RNASE8: variants seen among roughly 807,000 people sequenced by gnomAD.
RNASE8 encodes ribonuclease A family member 8, also known as ribonuclease 8.
For synonymous variants in RNASE8, 68 were observed against 74.1 expected (o/e 0.92, Z 0.42); for missense variants, 179 against 187.9 (o/e 0.95, Z 0.28).
the RNASE8 span, chr14:21,057,991 AT>A: frequency 1.2e-6 from 2 of 1,614,038 alleles, no homozygotes; most frequent in South Asian, 2.2e-5. Flanking sequence ...AGGACATGAC[AT>A]CATCTCAGTG....
In RNASE8 at chr14:21,058,280, A is replaced by G. The variant is rs45545641; in HGVS notation, c.388A>G (p.Ile130Val). 6.2e-7 allele frequency: 1 copy of G among 1,614,142 alleles called. No homozygotes were observed. Among genetic ancestry groups the G allele is most frequent in the South Asian group, 1.1e-5 (1 of 91,074 alleles). Residue 130 changes from isoleucine to valine, a missense_variant, in exon 1 of 1, where the codon ATA becomes GTA. Coordinates refer to ENST00000308227, the MANE Select transcript of RNASE8 (RefSeq NM_138331.2). ...YKEKHLNTPYIVACDPPQQGD... is the reference protein window; with the variant it reads ...YKEKHLNTPYVVACDPPQQGD... ...AGAGAAGCACCTGAACACACCTTAC[A>G]TAGTGGCCTGTGACCCTCCACAACA...
Position 21,058,441 on chromosome 14 carries a change from T to C in RNASE8, c.*84T>C, listed in dbSNP as rs898216177. ...CCTCCAGTTCGTTATTAATCCTTGC[T>C]CCCCACTGCAAATGCCATTTCCCTC... On this transcript the variant is annotated 3_prime_UTR_variant, in exon 1 of 1. Transcript: ENST00000308227. 3.8e-5 allele frequency: 38 copies of C among 994,076 alleles called. No individual in the cohort carries two copies. Among genetic ancestry groups the C allele is most frequent in the Non-Finnish European group, 5.5e-5 (37 of 671,508 alleles). 61.6% of individuals were successfully genotyped at this position (994,076 alleles called of 1,614,324 possible).
Position 21,058,093 on chromosome 14 carries a change from C to A in RNASE8, c.201C>A (p.Leu67=). Residue 67 remains leucine, a synonymous_variant, in exon 1 of 1, where the codon CTC becomes CTA. Coordinates refer to ENST00000308227, the MANE Select transcript of RNASE8 (RefSeq NM_138331.2). ...INKYTERCKD[L]NTFLHEPFSS... ...AGTACACAGAACGGTGCAAAGACCTCAACACCTTCCTGCACGAGCCCTTCT... is the reference window on the plus strand; with the variant it reads ...AGTACACAGAACGGTGCAAAGACCTAAACACCTTCCTGCACGAGCCCTTCT... 2 of 1,614,156 alleles carry A rather than the reference C, an allele frequency of 1.2e-6. No homozygotes were observed. The highest frequency in any genetic ancestry group is 1.7e-6 in the Non-Finnish European group (2 of 1,180,030).
chr14:21,058,448 T>TA lies in RNASE8; in HGVS notation c.*91_*92insA. ...TTCGTTATTAATCCTTGCTCCCCAC[T>TA]GCAAATGCCATTTCCCTCCCACACA... On this transcript the variant is annotated 3_prime_UTR_variant, in exon 1 of 1. Coordinates refer to ENST00000308227, the MANE Select transcript of RNASE8 (RefSeq NM_138331.2). The TA allele has an allele frequency of 1.1e-6, 1 of 908,880 alleles. No individual in the cohort carries two copies. The highest frequency in any genetic ancestry group is 1.7e-5 in the South Asian group (1 of 60,374). 56.3% of individuals were successfully genotyped at this position (908,880 alleles called of 1,614,324 possible).
the RNASE8 span, chr14:21,057,951 TG>T: frequency 6.2e-7 from 1 of 1,613,886 alleles, no homozygotes; most frequent in Non-Finnish European, 8.5e-7. Flanking sequence ...GGGCTGTGGG[TG>T]GCAGAGGTCC....
chr14:21,057,834 A>G lies in RNASE8; in HGVS notation c.-59A>G, dbSNP rs1885746361. 6.9e-7 allele frequency: 1 copy of G among 1,453,838 alleles called. No homozygotes were observed. The highest frequency in any genetic ancestry group is 9.5e-7 in the Non-Finnish European group (1 of 1,052,676). The allele number at this position is 1,453,838 out of a possible 1,614,324, so 90.1% of individuals were successfully genotyped here. A position where few individuals can be genotyped will look rare whatever the true frequency, so the allele number is the denominator to read the frequency against. The stretch of plus-strand genomic sequence containing the variant: ...TTAGAAGGACTAACAAGACTCCCCC[A>G]TGATGACCTATTCATCCACCTACCT... On this transcript the variant is annotated 5_prime_UTR_variant, in exon 1 of 1. An upstream start codon of the reference 5' UTR is lost. Coordinates refer to ENST00000308227, the MANE Select transcript of RNASE8 (RefSeq NM_138331.2).
chr14:21,058,166 A>G lies in RNASE8; in HGVS notation c.274A>G (p.Ser92Gly), dbSNP rs1885766750. 1 of 1,613,996 alleles carries G rather than the reference A, an allele frequency of 6.2e-7. No individual in the cohort carries two copies. Among genetic ancestry groups the G allele is most frequent in the African/African-American group, 1.3e-5 (1 of 74,888 alleles). The change falls in exon 1 of 1, where the codon AGC (serine) becomes GGC (glycine). Residue 92 changes from serine to glycine, a missense_variant. Ser to Gly is a moderately conservative substitution (Grantham distance 56). Coordinates refer to ENST00000308227, the MANE Select transcript of RNASE8 (RefSeq NM_138331.2). ...CQTPNIACKN[S>G]CKNCHQSHGP... ...GACCCCCAACATAGCCTGCAAGAAT[A>G]GCTGTAAAAACTGCCACCAGAGCCA...
Position 21,057,929 on chromosome 14 carries a change from C to G in RNASE8, c.37C>G (p.Leu13Val). 6.2e-7 allele frequency: 1 copy of G among 1,614,144 alleles called. No individual in the cohort carries two copies. Among genetic ancestry groups the G allele is most frequent in the Non-Finnish European group, 8.5e-7 (1 of 1,180,030 alleles). ...PARAGCCPLL[L>V]LLLGLWVAEV... ...CAGAGCAGGATGCTGCCCCCTGCTG[C>G]TGCTGCTTCTGGGGCTGTGGGTGGC... The change falls in exon 1 of 1, where the codon CTG (leucine) becomes GTG (valine). Residue 13 changes from leucine (L) to valine (V), a missense_variant. By Grantham distance (32) the Leu-to-Val change is conservative (BLOSUM62 1). Coordinates refer to ENST00000308227, the MANE Select transcript of RNASE8 (RefSeq NM_138331.2).
At position 21,058,331 on chromosome 14, in the gene RNASE8, C is replaced by T. The variant is rs1885778653; in HGVS notation, c.439C>T (p.Pro147Ser). The T allele has an allele frequency of 6.2e-7, 1 of 1,611,382 alleles. No homozygotes were observed. The highest frequency in any genetic ancestry group is 1.3e-5 in the African/African-American group (1 of 74,996). ...QQGDPGYPLV[P>S]VHLDKVV The stretch of plus-strand genomic sequence containing the variant: ...GGGTGACCCAGGGTACCCACTTGTT[C>T]CTGTGCACTTGGATAAAGTTGTCTA... Residue 147 changes from proline (P) to serine (S), a missense_variant, in exon 1 of 1, where the codon CCT becomes TCT. By Grantham distance (74) the Pro-to-Ser change is moderately conservative. Transcript: ENST00000308227.
At position 21,058,181 on chromosome 14, in the gene RNASE8, C is replaced by T. The variant is rs151264801; in HGVS notation, c.289C>T (p.His97Tyr). 5.0e-6 allele frequency: 8 copies of T among 1,614,016 alleles called. No homozygotes were observed. Among genetic ancestry groups the T allele is most frequent in the Non-Finnish European group, 6.8e-6 (8 of 1,180,026 alleles). Residue 97 changes from histidine (H) to tyrosine (Y), a missense_variant, in exon 1 of 1, where the codon CAC becomes TAC. His to Tyr is a moderately conservative substitution (Grantham distance 83). Transcript: ENST00000308227. ...CTGCAAGAATAGCTGTAAAAACTGC[C>T]ACCAGAGCCACGGGCCCATGTCCCT... ...IACKNSCKNC[H>Y]QSHGPMSLTM...
Position 21,057,853 on chromosome 14 carries a change from C to A in RNASE8, c.-40C>A. 1 of 1,566,794 alleles carries A rather than the reference C, an allele frequency of 6.4e-7. No homozygotes were observed. Among genetic ancestry groups the A allele is most frequent in the South Asian group, 1.1e-5 (1 of 87,588 alleles). ...TCCCCCATGATGACCTATTCATCCA[C>A]CTACCTCCTCACTCTGTTCCACTGT... is the stretch of plus-strand genomic sequence containing the variant. On this transcript the variant is annotated 5_prime_UTR_variant, in exon 1 of 1. Transcript: ENST00000308227.
In RNASE8 at chr14:21,057,867, C is replaced by G. The variant is rs746317842; in HGVS notation, c.-26C>G. 9 of 1,598,246 alleles carry G rather than the reference C, an allele frequency of 5.6e-6. No individual in the cohort carries two copies. The South Asian group carries it at 8.9e-5, about 16-fold the overall frequency. ...CTATTCATCCACCTACCTCCTCACT[C>G]TGTTCCACTGTCTCCCTTAAGAGAG... On this transcript the variant is annotated 5_prime_UTR_variant, in exon 1 of 1. Transcript: ENST00000308227.
In RNASE8 at chr14:21,057,941, G is replaced by A; in HGVS notation, c.49G>A (p.Gly17Arg). The change falls in exon 1 of 1, where the codon GGG (glycine) becomes AGG (arginine). Residue 17 changes from glycine to arginine, a missense_variant. Gly to Arg is a moderately radical substitution (Grantham distance 125, BLOSUM62 -2). Coordinates refer to ENST00000308227, the MANE Select transcript of RNASE8 (RefSeq NM_138331.2). ...CTGCCCCCTGCTGCTGCTGCTTCTG[G>A]GGCTGTGGGTGGCAGAGGTCCTAGT... ...GCCPLLLLLLGLWVAEVLVRA... is the reference protein window; with the variant it reads ...GCCPLLLLLLRLWVAEVLVRA... 1 of 1,614,000 alleles carries A rather than the reference G, an allele frequency of 6.2e-7. No individual in the cohort carries two copies. Among genetic ancestry groups the A allele is most frequent in the Non-Finnish European group, 8.5e-7 (1 of 1,180,018 alleles).
Position 21,057,990 on chromosome 14 carries a change from C to T in RNASE8, c.98C>T (p.Thr33Ile), listed in dbSNP as rs1885756738. 1.9e-6 allele frequency: 3 copies of T among 1,614,104 alleles called. No individual in the cohort carries two copies. The highest frequency in any genetic ancestry group is 8.5e-7 in the Non-Finnish European group (1 of 1,180,014). The stretch of plus-strand genomic sequence containing the variant: ...GTCAGAGCCAAGCCCAAGGACATGA[C>T]ATCATCTCAGTGGTTTAAAACTCAG... The part of the protein sequence containing the change: ...VLVRAKPKDM[T>I]SSQWFKTQHV... Residue 33 changes from threonine (T) to isoleucine (I), a missense_variant, in exon 1 of 1, where the codon ACA becomes ATA. Coordinates refer to ENST00000308227, the MANE Select transcript of RNASE8 (RefSeq NM_138331.2).
In RNASE8 at chr14:21,058,267, G is replaced by A; in HGVS notation, c.375G>A (p.Leu125=). ...ACTGCAGGTACAAAGAGAAGCACCT[G>A]AACACACCTTACATAGTGGCCTGTG... is the stretch of plus-strand genomic sequence containing the variant. The part of the protein sequence containing the change: ...YPNCRYKEKH[L]NTPYIVACDP... Residue 125 remains leucine (L), a synonymous_variant, in exon 1 of 1, where the codon CTG becomes CTA. Coordinates refer to ENST00000308227, the MANE Select transcript of RNASE8 (RefSeq NM_138331.2). 6.2e-7 allele frequency: 1 copy of A among 1,614,138 alleles called. No homozygotes were observed. The highest frequency in any genetic ancestry group is 8.5e-7 in the Non-Finnish European group (1 of 1,180,022).
rs753150799 is a variant in RNASE8 at position 21,058,321 on chromosome 14, C to T, written c.429C>T (p.Tyr143=). Residue 143 remains tyrosine (Y), a synonymous_variant, in exon 1 of 1, where the codon TAC becomes TAT. Coordinates refer to ENST00000308227, the MANE Select transcript of RNASE8 (RefSeq NM_138331.2). Reference sequence around the variant, plus strand: ...CTCCACAACAGGGTGACCCAGGGTACCCACTTGTTCCTGTGCACTTGGATA... The same window carrying T: ...CTCCACAACAGGGTGACCCAGGGTATCCACTTGTTCCTGTGCACTTGGATA... ...CDPPQQGDPG[Y]PLVPVHLDKV... is the part of the protein sequence containing the mutation. 1.2e-6 allele frequency: 2 copies of T among 1,612,700 alleles called. No individual in the cohort carries two copies. The highest frequency in any genetic ancestry group is 1.7e-5 in the Admixed American group (1 of 59,898).
At chr14:21,058,034 C>T in the RNASE8 span, 1 of 1,614,134 alleles carries the variant, frequency 6.2e-7, no homozygotes, top group Non-Finnish European at 8.5e-7. Flanking sequence ...GCCCAGCCCT[C>T]AAGCATGCAA....
rs1885778116 is a variant in RNASE8, at chr14:21,058,320, A to G, written c.428A>G (p.Tyr143Cys). 10 of 1,613,274 alleles carry G rather than the reference A, an allele frequency of 6.2e-6. No individual in the cohort carries two copies. Among genetic ancestry groups the G allele is most frequent in the Non-Finnish European group, 8.5e-6 (10 of 1,179,550 alleles). ...CCTCCACAACAGGGTGACCCAGGGT[A>G]CCCACTTGTTCCTGTGCACTTGGAT... The part of the protein sequence containing the change: ...CDPPQQGDPG[Y>C]PLVPVHLDKV... Residue 143 changes from tyrosine (Y) to cysteine (C), a missense_variant, in exon 1 of 1, where the codon TAC (tyrosine) becomes TGC (cysteine). Transcript: ENST00000308227.
In RNASE8 at chr14:21,058,272, C is replaced by T; in HGVS notation, c.380C>T (p.Thr127Ile). The stretch of plus-strand genomic sequence containing the variant: ...AGGTACAAAGAGAAGCACCTGAACA[C>T]ACCTTACATAGTGGCCTGTGACCCT... ...NCRYKEKHLN[T>I]PYIVACDPPQ... Residue 127 changes from threonine to isoleucine, a missense_variant, in exon 1 of 1, where the codon ACA (threonine) becomes ATA (isoleucine). Thr to Ile is a moderately conservative substitution (Grantham distance 89, BLOSUM62 -1). Transcript: ENST00000308227. 1 of 1,614,154 alleles carries T rather than the reference C, an allele frequency of 6.2e-7. No homozygotes were observed. Among genetic ancestry groups the T allele is most frequent in the East Asian group, 2.2e-5 (1 of 44,876 alleles).
Sources: gnomAD v4.1 joint callset for allele counts on GRCh38, gnomAD v4.1.1 for gene constraint, MANE v1.5 for transcripts, NCBI Gene and HGNC (gene_info 2026-07-23, HGNC 2026-07-21) for gene names.